The following L2HGDH variants were observed in gnomAD, a reference collection of about 807,000 sequenced individuals.
L2HGDH encodes the protein L-2-hydroxyglutarate dehydrogenase.
In L2HGDH, 34 loss-of-function variants were observed where a neutral mutation model predicts 51.5. That is an observed-to-expected ratio of 0.66 (90% CI 0.50 to 0.88). The LOEUF is 0.88. Ranked by LOEUF, L2HGDH falls within the 40% of genes least tolerant of loss-of-function variation. The pLI is 0.00. For missense variants in L2HGDH, 558 were observed against 571.9 expected, an observed-to-expected ratio of 0.98 and a Z score of 0.25; for synonymous variants, 198 against 197.9, an observed-to-expected ratio of 1.00 and a Z score of -0.01.
In L2HGDH at chr14:50,244,527, T is replaced by C. The variant is rs1437156246; in HGVS notation, c.*2531A>G. ...CTTGTAATGGAACAGAAAAATATCC[T>C]GTGTTTGCATTTCTTGCAGGAATCA... is the stretch of plus-strand genomic sequence containing the variant. On this transcript the variant is annotated 3_prime_UTR_variant, in exon 10 of 10. Coordinates refer to ENST00000267436, the MANE Select transcript of L2HGDH (RefSeq NM_024884.3). 2.3e-5 allele frequency: 23 copies of C among 985,342 alleles called. No homozygotes were observed. The highest frequency in any genetic ancestry group is 2.8e-5 in the Non-Finnish European group (23 of 829,946). 61.0% of individuals were successfully genotyped at this position (985,342 alleles called of 1,614,324 possible).
At chr14:50,286,871 C>G (rs1475357999) in intron 4 of L2HGDH, among the ~76,000 whole-genome samples, 1 of 152,196 alleles carries the variant, frequency 6.6e-6, no homozygotes, top group Non-Finnish European at 1.5e-5. Context: ...AGTACCAGCT[C>G]TATCAGAATA....
intron 3 of L2HGDH, among the ~76,000 whole-genome samples, chr14:50,296,928 A>G (rs1205634196): frequency 2.6e-5 from 4 of 152,218 alleles, no homozygotes; most frequent in Non-Finnish European, 5.9e-5. Flanking sequence ...CACCATGACC[A>G]AGAGGGATTT....
At chr14:50,293,358 T>G (rs560589421) in intron 4 of L2HGDH, 7 of 679,466 alleles carry the variant, frequency 1.0e-5, no homozygotes, top group South Asian at 9.4e-5. Flanking sequence ...GGACTGTAGA[T>G]CTAAATGTGA....
At position 50,295,492 on chromosome 14, in the gene L2HGDH, G is replaced by A. The variant is rs145570533; in HGVS notation, c.409-1246C>T. 7.5e-4 allele frequency among the ~76,000 whole-genome samples: 114 copies of A among 151,360 alleles called. 1 individual carries two copies. The highest frequency in any genetic ancestry group is 2.4e-3 in the African/African-American group (97 of 41,214). The stretch of plus-strand genomic sequence containing the variant: ...CCCAGTCATGACTCCCTGCAGCCTC[G>A]ACTTCCCGAGCTCAGGTGATTCTCC... On this transcript the variant is annotated intron_variant, in intron 3 of 9. Coordinates refer to ENST00000267436, the MANE Select transcript of L2HGDH (RefSeq NM_024884.3).
chr14:50,264,878 GT>G (rs1040810138), intron 9 of L2HGDH, among the ~76,000 whole-genome samples: 5 of 151,782 alleles, frequency 3.3e-5, no homozygotes, highest in African/African-American at 7.3e-5. Flanking sequence ...AACCTAAAAG[GT>G]TTTTTTTAAG....
rs17122361 is a variant in L2HGDH, at chr14:50,294,674, G to A, written c.409-428C>T. Among the ~76,000 whole-genome samples the A allele has an allele frequency of 1.3e-3, 194 of 152,282 alleles. 3 individuals carry two copies. In the East Asian group the frequency reaches 0.033, roughly 26 times the overall value. ...ATGTAAAATATCAGCACATCAGAAA[G>A]ACAACTGGTACTGAATGTGATGGAA... On this transcript the variant is annotated intron_variant, in intron 3 of 9. Coordinates refer to ENST00000267436, the MANE Select transcript of L2HGDH (RefSeq NM_024884.3).
chr14:50,282,300 C>G (rs1201788514), intron 5 of L2HGDH: 1 of 376,530 alleles, frequency 2.7e-6, no homozygotes, highest in Admixed American at 3.4e-5. Context: ...TTAAGAAACC[C>G]TTTCCTAGAC....
intron 1 of L2HGDH, among the ~76,000 whole-genome samples, chr14:50,310,883 CT>C (rs1343025370): frequency 2.7e-5 from 4 of 150,430 alleles, no homozygotes; most frequent in African/African-American, 9.8e-5. Flanking sequence ...CCAGAGTCAA[CT>C]TTTAGAACAT....
At chr14:50,289,766 C>A (rs1001989415) in intron 4 of L2HGDH, among the ~76,000 whole-genome samples, 3 of 152,140 alleles carry the variant, frequency 2.0e-5, no homozygotes, top group Admixed American at 2.0e-4. Context: ...TCAAAACAAT[C>A]TCCATTTTAC....
intron 6 of L2HGDH, among the ~76,000 whole-genome samples, chr14:50,270,793 A>C (rs1481181813): frequency 6.6e-6 from 1 of 151,972 alleles, no homozygotes; most frequent in East Asian, 1.9e-4. Context: ...GGCGTGAGCC[A>C]CCGCGCCCGG....
rs1269065353 is a variant in L2HGDH, at chr14:50,243,119, A to G, written c.*3939T>C. On this transcript the variant is annotated 3_prime_UTR_variant, in exon 10 of 10. Coordinates refer to ENST00000267436, the MANE Select transcript of L2HGDH (RefSeq NM_024884.3). ...TCAGGGAAAGTGGAATTCTGCCAAC[A>G]GTAAAGGCAACTCCCCAAACAGTGC... 7 of 985,366 alleles carry G rather than the reference A, an allele frequency of 7.1e-6. No homozygotes were observed. The highest frequency in any genetic ancestry group is 1.2e-4 in the Admixed American group (2 of 16,268). The allele number at this position is 985,366 out of a possible 1,614,324, so 61.0% of individuals were successfully genotyped here.
At position 50,294,601 on chromosome 14, in the gene L2HGDH, CT is replaced by C. The variant is rs568777999; in HGVS notation, c.409-356del. On this transcript the variant is annotated intron_variant, in intron 3 of 9. Coordinates refer to ENST00000267436, the MANE Select transcript of L2HGDH (RefSeq NM_024884.3). ...AGAAGCATAAGTTGCTTGGACTTTA[CT>C]TTTTTTCCCCCCCAAAACAGAATGG... Among the ~76,000 whole-genome samples the C allele has an allele frequency of 1.7e-3, 253 of 152,200 alleles. 1 individual carries two copies. The highest frequency in any genetic ancestry group is 5.3e-3 in the African/African-American group (221 of 41,510).
intron 9 of L2HGDH, 63 bp from the exon 10 acceptor site, chr14:50,247,316 T>C: frequency 6.4e-7 from 1 of 1,571,848 alleles, no homozygotes; most frequent in South Asian, 1.2e-5. Flanking sequence ...CAAGTCAGCG[T>C]TTCCAAAAAG....
chr14:50,294,545 T>C (rs1204970141), intron 3 of L2HGDH, among the ~76,000 whole-genome samples: 1 of 152,200 alleles, frequency 6.6e-6, no homozygotes, highest in Non-Finnish European at 1.5e-5. Context: ...AAGCAACTCA[T>C]CACTACCACA....
chr14:50,307,275 C>T (rs901168608), intron 1 of L2HGDH, among the ~76,000 whole-genome samples: 7 of 152,202 alleles, frequency 4.6e-5, no homozygotes, highest in African/African-American at 7.2e-5. Context: ...ATAAAACTAT[C>T]ATACTGAATA....
At chr14:50,282,168 G>A (rs1053270118) in intron 5 of L2HGDH, among the ~76,000 whole-genome samples, 1 of 152,066 alleles carries the variant, frequency 6.6e-6, no homozygotes, top group African/African-American at 2.4e-5. Flanking sequence ...TCATCACTTG[G>A]GGGCGTGATG....
intron 9 of L2HGDH, among the ~76,000 whole-genome samples, chr14:50,258,564 AGT>A (rs1888810655): frequency 1.3e-5 from 2 of 151,988 alleles, no homozygotes; most frequent in East Asian, 3.9e-4. Flanking sequence ...CCCAGGCTGG[AGT>A]GCACTGGCAT....
chr14:50,249,618 A>AT (rs1166349322), intron 9 of L2HGDH, among the ~76,000 whole-genome samples: 1 of 152,300 alleles, frequency 6.6e-6, no homozygotes, highest in East Asian at 1.9e-4. Context: ...CCTGCTGACT[A>AT]AAGAGCCCTT....
intron 7 of L2HGDH, 126 bp downstream of exon 7, chr14:50,269,037 G>T: frequency 7.0e-6 from 5 of 713,768 alleles, no homozygotes; most frequent in Non-Finnish European, 1.2e-5. Context: ...AGAAACCGAT[G>T]AAATGCTTAC....
Sources: gnomAD v4.1 joint callset for allele counts (sites outside exome capture counted in the v4.1 genomes callset) on GRCh38, gnomAD v4.1.1 for gene constraint, MANE v1.5 for transcripts, NCBI Gene and HGNC (gene_info 2026-07-23, HGNC 2026-07-21) for gene names.